The following HNF4G variants were observed in gnomAD, a reference collection of about 807,000 sequenced individuals.
The protein encoded by HNF4G is hepatocyte nuclear factor 4-gamma.
In HNF4G, 21 loss-of-function variants were observed where a neutral mutation model predicts 50.9. That is an observed-to-expected ratio of 0.41 (90% confidence interval 0.29 to 0.59). The LOEUF is 0.59. Among genes scored for constraint, HNF4G ranks in the 20% least tolerant of loss-of-function variants. The pLI is 0.26. For synonymous variants in HNF4G, 198 were observed against 185.6 expected, an observed-to-expected ratio of 1.07 and a Z score of -0.54; for missense variants, 527 against 559.4, an observed-to-expected ratio of 0.94 and a Z score of 0.58.
intron 5 of HNF4G, among the ~76,000 whole-genome samples, chr8:75,554,642 A>G (rs1009075146): frequency 2.0e-5 from 3 of 152,176 alleles, no homozygotes; most frequent in African/African-American, 7.2e-5. Context: ...ATTACTGTTC[A>G]GTTTTAGGAA....
chr8:75,470,946 T>A (rs1310658009), intron 1 of HNF4G, among the ~76,000 whole-genome samples: 3 of 152,200 alleles, frequency 2.0e-5, no homozygotes, highest in Non-Finnish European at 4.4e-5. Context: ...TTGTCTGATC[T>A]CCTTATGGTC....
intron 2 of HNF4G, among the ~76,000 whole-genome samples, chr8:75,513,414 A>G (rs1330585452): frequency 6.6e-6 from 1 of 152,200 alleles, no homozygotes; most frequent in Non-Finnish European, 1.5e-5. Context: ...GTTTAGAAAA[A>G]TGCCCATCTT....
intron 2 of HNF4G, among the ~76,000 whole-genome samples, chr8:75,533,326 A>G (rs1806379145): frequency 6.6e-6 from 1 of 152,096 alleles, no homozygotes; most frequent in East Asian, 1.9e-4. Context: ...AGAGTTTTTA[A>G]AACACTGATA....
At chr8:75,491,656 A>T (rs970980081) in intron 2 of HNF4G, among the ~76,000 whole-genome samples, 2 of 152,038 alleles carry the variant, frequency 1.3e-5, no homozygotes, top group African/African-American at 4.8e-5. Flanking sequence ...TTGTATTTTT[A>T]GTAAAGAAGG....
At chr8:75,537,229 C>CTTTTA (rs67262167), upstream of HNF4G, among the ~76,000 whole-genome samples, 13 of 151,066 alleles carry the variant, frequency 8.6e-5, no homozygotes, top group Middle Eastern at 3.4e-3. Flanking sequence ...CATTAAAAGG[C>CTTTTA]TTTTATTTTA....
intron 2 of HNF4G, among the ~76,000 whole-genome samples, chr8:75,494,993 A>G (rs932664803): frequency 2.0e-5 from 3 of 152,186 alleles, no homozygotes; most frequent in Non-Finnish European, 2.9e-5. Flanking sequence ...TAGTAAGTGT[A>G]AGTGATGCCA....
At chr8:75,515,745 C>T (rs1007482776) in intron 2 of HNF4G, among the ~76,000 whole-genome samples, 1 of 150,124 alleles carries the variant, frequency 6.7e-6, no homozygotes, top group South Asian at 2.1e-4. Context: ...GGATAATGAC[C>T]ACTGACATTC....
chr8:75,409,887 C>T (rs1242276693), intron 1 of HNF4G, among the ~76,000 whole-genome samples: 3 of 151,964 alleles, frequency 2.0e-5, no homozygotes, highest in African/African-American at 7.2e-5. Context: ...AAAAAGAGCC[C>T]CCTCCCCATT....
rs1554572215 is a variant in HNF4G at position 75,466,627 on chromosome 8, T to TC, written c.-143-23460dup. On this transcript the variant is annotated intron_variant, in intron 1 of 10. Coordinates refer to the HNF4G transcript ENST00000354370. ...TTCCTTCCTTCCTTCCTTCCTTCCTTCCTTCCTTCTCCCTTCCCTTCCCTT... is the reference window on the plus strand; with the variant it reads ...TTCCTTCCTTCCTTCCTTCCTTCCTTCCCTTCCTTCTCCCTTCCCTTCCCTT... Among the ~76,000 whole-genome samples the TC allele has an allele frequency of 3.4e-3, 253 of 73,994 alleles. 1 individual carries two copies. Among genetic ancestry groups the TC allele is most frequent in the African/African-American group, 5.2e-3 (103 of 19,910 alleles). 48.5% of individuals were successfully genotyped at this position (73,994 alleles called of 152,430 possible).
intron 1 of HNF4G, among the ~76,000 whole-genome samples, chr8:75,469,778 A>G (rs990282840): frequency 6.6e-6 from 1 of 152,036 alleles, no homozygotes; most frequent in Non-Finnish European, 1.5e-5. Context: ...TCTCATCCTT[A>G]TACCCAATCT....
intron 2 of HNF4G, among the ~76,000 whole-genome samples, chr8:75,490,526 C>A (rs1285020343): frequency 1.3e-5 from 2 of 152,086 alleles, no homozygotes; most frequent in Admixed American, 6.6e-5. Flanking sequence ...TTAGCATATT[C>A]TCAAATTAGA....
At chr8:75,535,910 A>G (rs1410704271), upstream of HNF4G, among the ~76,000 whole-genome samples, 1 of 151,988 alleles carries the variant, frequency 6.6e-6, no homozygotes, top group East Asian at 1.9e-4. Flanking sequence ...TCTTCTTTAA[A>G]CATCATGCTG....
At chr8:75,464,946 T>C (rs946699283) in intron 1 of HNF4G, among the ~76,000 whole-genome samples, 5 of 152,166 alleles carry the variant, frequency 3.3e-5, no homozygotes, top group African/African-American at 1.2e-4. Context: ...TGAGGCATGA[T>C]GTAAAGGGTG....
chr8:75,508,616 A>T (rs1222116581), intron 2 of HNF4G, among the ~76,000 whole-genome samples: 1 of 152,222 alleles, frequency 6.6e-6, no homozygotes, highest in Non-Finnish European at 1.5e-5. Flanking sequence ...AGAGCTTAGA[A>T]TCTAGCTGAA....
At chr8:75,523,311 A>C (rs1207934891) in intron 2 of HNF4G, among the ~76,000 whole-genome samples, 1 of 152,194 alleles carries the variant, frequency 6.6e-6, no homozygotes, top group African/African-American at 2.4e-5. Flanking sequence ...AAATCCACAG[A>C]ATAATTAATT....
chr8:75,437,929 CA>C (rs1811178782), intron 1 of HNF4G, among the ~76,000 whole-genome samples: 1 of 152,034 alleles, frequency 6.6e-6, no homozygotes, highest in African/African-American at 2.4e-5. Context: ...TGTCATTCCA[CA>C]ATTATTTCTA....
intron 1 of HNF4G, among the ~76,000 whole-genome samples, chr8:75,413,363 G>A (rs540309934): frequency 2.0e-4 from 30 of 150,146 alleles, no homozygotes; most frequent in African/African-American, 6.9e-4. Flanking sequence ...GGGGAATAGT[G>A]AGAACTACGA....
chr8:75,438,270 C>T (rs563652151), intron 1 of HNF4G, among the ~76,000 whole-genome samples: 1 of 152,290 alleles, frequency 6.6e-6, no homozygotes, highest in African/African-American at 2.4e-5. Context: ...TTTTCTCATT[C>T]CCTATTTGTC....
At chr8:75,437,214 G>C (rs1161512610) in intron 1 of HNF4G, among the ~76,000 whole-genome samples, 1 of 152,138 alleles carries the variant, frequency 6.6e-6, no homozygotes, top group Non-Finnish European at 1.5e-5. Context: ...AAAGAAAAGT[G>C]TGAATAAGGC....
Sources: gnomAD v4.1 joint callset for allele counts (sites outside exome capture counted in the v4.1 genomes callset) on GRCh38, gnomAD v4.1.1 for gene constraint, MANE v1.5 for transcripts, NCBI Gene and HGNC (gene_info 2026-07-23, HGNC 2026-07-21) for gene names.